The following SYNE1 variants were observed in gnomAD, a reference collection of about 807,000 sequenced individuals.
The protein encoded by SYNE1 is nesprin-1.
Under a neutral mutation model 1,111.0 loss-of-function variants are expected in SYNE1, and 616 were observed. The ratio of observed to expected loss-of-function variants is 0.55; its 90% CI spans 0.52 to 0.59. SYNE1 has a LOEUF of 0.59. SYNE1 is among the 20% of genes least tolerant of loss of function. The probability of loss-of-function intolerance (pLI) is 0.00; values close to 1 mark genes in which losing one functional copy is unlikely to be tolerated. For missense variants in SYNE1, 10,006 were observed against 10,417.0 expected (o/e 0.96, Z 1.72); for synonymous variants, 3,855 against 3,825.8 (o/e 1.01, Z -0.28).
chr6:152,377,621 AAAAAAAAAAAAAAAAAAAAAT>A (rs1308526326), intron 56 of SYNE1, among the ~76,000 whole-genome samples: 4 of 99,692 alleles, frequency 4.0e-5, no homozygotes, highest in South Asian at 7.0e-4. Flanking sequence ...AAAAAAAAAA[AAAAAAAAAAAAAAAAAAAAAT>A]ATATATATAT....
intron 30 of SYNE1, among the ~76,000 whole-genome samples, chr6:152,443,442 A>T (rs1013305798): frequency 9.2e-5 from 14 of 151,880 alleles, no homozygotes; most frequent in Admixed American, 2.0e-4. Context: ...TTTTTTGTAT[A>T]TTTAGTAGAG....
At chr6:152,487,263 T>C (rs2098946019) in intron 12 of SYNE1, among the ~76,000 whole-genome samples, 1 of 152,194 alleles carries the variant, frequency 6.6e-6, no homozygotes. Flanking sequence ...TGTGTTCTCA[T>C]TGTTCAGCTC....
At position 152,297,814 on chromosome 6, in the gene SYNE1, TGTGTGTGTGC is replaced by T. The variant is rs774493642; in HGVS notation, c.17682+2817_17682+2826del. On this transcript the variant is annotated intron_variant, in intron 93 of 145. Transcript: ENST00000367255. ...GTGTGTGTGTGTGTGTGTGTGTGTGTGTGTGTGTGCGCGCGCACGTGGCTCATGCCTACAG... is the reference window on the plus strand; with the variant it reads ...GTGTGTGTGTGTGTGTGTGTGTGTGTGCGCGCACGTGGCTCATGCCTACAG... 4.8e-3 allele frequency among the ~76,000 whole-genome samples: 547 copies of T among 115,148 alleles called. 2 individuals carry two copies. Among genetic ancestry groups the T allele is most frequent in the South Asian group, 0.017 (62 of 3,574 alleles). The allele number at this position is 115,148 out of a possible 152,430, so 75.5% of individuals were successfully genotyped here.
chr6:152,542,702 AC>A (rs1324707020), intron 3 of SYNE1, among the ~76,000 whole-genome samples: 1 of 152,036 alleles, frequency 6.6e-6, no homozygotes, highest in Non-Finnish European at 1.5e-5. Flanking sequence ...CATAAAAATT[AC>A]CACATTCATC....
At position 152,140,004 on chromosome 6, in the gene SYNE1, A is replaced by G. The variant is rs765774462; in HGVS notation, c.25404T>C (p.Arg8468=). The change falls in exon 140 of 146, where the codon CGT becomes CGC. Residue 8468 remains arginine, a synonymous_variant. Coordinates refer to ENST00000367255, the MANE Select transcript of SYNE1 (RefSeq NM_182961.4). ...DTEEELEQLQ[R]LELSTDIQTI... is the part of the protein sequence containing the mutation. The stretch of plus-strand genomic sequence containing the variant: ...TCTGGATGTCAGTGCTGAGTTCCAG[A>G]CGCTGGAGCTGTTCCAACTCCTCCT... 6.2e-7 allele frequency: 1 copy of G among 1,614,138 alleles called. No individual in the cohort carries two copies. The highest frequency in any genetic ancestry group is 8.5e-7 in the Non-Finnish European group (1 of 1,180,044).
At chr6:152,160,132 G>A (rs1171626227) in intron 131 of SYNE1, among the ~76,000 whole-genome samples, 2 of 152,026 alleles carry the variant, frequency 1.3e-5, no homozygotes, top group South Asian at 2.1e-4. Context: ...TCAGCCTCCC[G>A]AGTAGCTGGG....
chr6:152,366,784 T>C (rs1336386086), intron 62 of SYNE1, among the ~76,000 whole-genome samples: 2 of 152,198 alleles, frequency 1.3e-5, no homozygotes, highest in Non-Finnish European at 2.9e-5. Context: ...TACAAATGAA[T>C]GCAGACTCAT....
intron 126 of SYNE1, among the ~76,000 whole-genome samples, chr6:152,203,109 A>G (rs2075840392): frequency 6.6e-6 from 1 of 152,242 alleles, no homozygotes; most frequent in African/African-American, 2.4e-5. Context: ...GAAAGGTTAC[A>G]CAGCAAACTG....
intron 132 of SYNE1, 186 bp from the exon 133 acceptor site, chr6:152,155,228 C>T (rs556199275): frequency 6.0e-5 from 37 of 615,026 alleles, no homozygotes; most frequent in Admixed American, 2.4e-4. Context: ...TAAAATAAAA[C>T]GGCTGTTTTA....
At chr6:152,516,015 A>G (rs2099109905) in intron 6 of SYNE1, among the ~76,000 whole-genome samples, 1 of 152,244 alleles carries the variant, frequency 6.6e-6, no homozygotes. Context: ...AAAAATCCAA[A>G]TGGAAGACAA....
Position 152,385,751 on chromosome 6 carries a change from C to T in SYNE1, c.8575G>A (p.Ala2859Thr), listed in dbSNP as rs927379147. ...VHEFTDWLHS[A>T]KEELHRWSDM... Reference sequence around the variant, plus strand: ...GACCACCGGTGAAGTTCTTCCTTTGCTGAATGGAGCCAATCTGTGAACTCG... The same window carrying T: ...GACCACCGGTGAAGTTCTTCCTTTGTTGAATGGAGCCAATCTGTGAACTCG... Residue 2859 changes from alanine (A) to threonine (T), a missense_variant, in exon 55 of 146, where the codon GCA (alanine) becomes ACA (threonine). Ala to Thr is a moderately conservative substitution (Grantham distance 58). Around this residue, in one of 7 missense-constraint regions of SYNE1, gnomAD observed 4,955 missense variants for 5,017.2 expected, o/e 0.99. Transcript: ENST00000367255. 1.2e-6 allele frequency: 2 copies of T among 1,614,070 alleles called. No individual in the cohort carries two copies. Among genetic ancestry groups the T allele is most frequent in the Non-Finnish European group, 1.7e-6 (2 of 1,179,982 alleles).
At position 152,352,305 on chromosome 6, in the gene SYNE1, G is replaced by A. The variant is rs371013745; in HGVS notation, c.11302C>T (p.Arg3768Trp). ...EKGHSLLKSA[R>W]EKGERAVKYL... ...TTAACAGCCCTCTCTCCTTTCTCCC[G>A]GGCTGATTTCAGCAAACTGTGACCT... Residue 3768 changes from arginine to tryptophan, a missense_variant, in exon 70 of 146, where the codon CGG becomes TGG. Coordinates refer to ENST00000367255, the MANE Select transcript of SYNE1 (RefSeq NM_182961.4). 2.9e-5 allele frequency: 46 copies of A among 1,613,824 alleles called. No individual in the cohort carries two copies. The highest frequency in any genetic ancestry group is 1.2e-4 in the Admixed American group (7 of 59,972).
At chr6:152,318,821 T>C in intron 85 of SYNE1, 42 bp downstream of exon 85, 1 of 1,611,160 alleles carries the variant, frequency 6.2e-7, no homozygotes, top group Non-Finnish European at 8.5e-7. Flanking sequence ...CCAAAAACTA[T>C]TTAATTCATT....
chr6:152,337,258 T>C (rs1187850334), intron 75 of SYNE1, among the ~76,000 whole-genome samples: 1 of 152,066 alleles, frequency 6.6e-6, no homozygotes, highest in Non-Finnish European at 1.5e-5. Flanking sequence ...AGTTATGCTA[T>C]ATGGTTTTAA....
chr6:152,531,024 C>T (rs1345827833), intron 4 of SYNE1, among the ~76,000 whole-genome samples: 3 of 152,140 alleles, frequency 2.0e-5, no homozygotes, highest in Non-Finnish European at 4.4e-5. Context: ...CTTGTCACTT[C>T]ATAGTTGTCT....
chr6:152,160,791 A>G (rs1044281149), intron 131 of SYNE1, among the ~76,000 whole-genome samples: 7 of 152,188 alleles, frequency 4.6e-5, no homozygotes, highest in Non-Finnish European at 8.8e-5. Context: ...TGGAGAAGCC[A>G]GAGTTTATTT....
rs954099154 is a variant in SYNE1 at position 152,152,002 on chromosome 6, T to C, written c.24269A>G (p.Asp8090Gly). The stretch of plus-strand genomic sequence containing the variant: ...GGAGGTGACACGCTTTTGCAGGTTG[T>C]CCCATCTCTGGTTGCCTTCGTGAAC... ...QMVHEGNQRW[D>G]NLQKRVTSIL... Residue 8090 changes from aspartate to glycine, a missense_variant, in exon 134 of 146, where the codon GAC (aspartate) becomes GGC (glycine). Physicochemically the swap from Asp to Gly is moderately conservative, Grantham distance 94 (BLOSUM62 -1). Around this residue, in one of 7 missense-constraint regions of SYNE1, gnomAD observed 2,182 missense variants for 2,287.8 expected, o/e 0.95. Transcript: ENST00000367255. The C allele has an allele frequency of 6.2e-7, 1 of 1,614,228 alleles. No individual in the cohort carries two copies. The highest frequency in any genetic ancestry group is 2.2e-5 in the East Asian group (1 of 44,876).
intron 66 of SYNE1, among the ~76,000 whole-genome samples, chr6:152,356,301 T>A (rs1329016437): frequency 6.6e-6 from 1 of 151,808 alleles, no homozygotes; most frequent in Non-Finnish European, 1.5e-5. Context: ...AGTTGACTAA[T>A]CTATTAATCT....
chr6:152,222,449 G>A (rs1415542406), intron 117 of SYNE1, among the ~76,000 whole-genome samples: 4 of 152,166 alleles, frequency 2.6e-5, no homozygotes, highest in African/African-American at 9.7e-5. Flanking sequence ...AACTCCCGAA[G>A]ATGAAGACTC....
Sources: gnomAD v4.1 joint callset for allele counts (sites outside exome capture counted in the v4.1 genomes callset) on GRCh38, gnomAD v4.1.1 for gene constraint, gnomAD v4.1.1 regional missense constraint, MANE v1.5 for transcripts, NCBI Gene and HGNC (gene_info 2026-07-23, HGNC 2026-07-21) for gene names.